ALDH1L2: variants seen among roughly 807,000 people sequenced by gnomAD.
ALDH1L2 encodes aldehyde dehydrogenase 1 family member L2.
ALDH1L2 carries 91 observed loss-of-function variants against 111.0 expected under a neutral mutation model. That is an observed-to-expected ratio of 0.82 (90% confidence interval 0.69 to 0.98). The LOEUF (loss-of-function observed/expected upper bound fraction) is 0.98, where lower values mean the gene tolerates loss of function less well. ALDH1L2 is among the 50% of genes least tolerant of loss of function. ALDH1L2 has a pLI of 0.00. For synonymous variants in ALDH1L2, 374 were observed against 392.6 expected, an observed-to-expected ratio of 0.95 and a Z score of 0.56; for missense variants, 995 against 1,126.8, an observed-to-expected ratio of 0.88 and a Z score of 1.67.
intron 14 of ALDH1L2, 34 bp from the exon 15 acceptor site, chr12:105,046,849 T>C (rs1452716379): frequency 6.2e-7 from 1 of 1,612,538 alleles, no homozygotes; most frequent in Non-Finnish European, 8.5e-7. Flanking sequence ...GCTTAGTTGT[T>C]TCAAATAACA....
intron 15 of ALDH1L2, among the ~76,000 whole-genome samples, chr12:105,042,750 G>GT (rs1346525214): frequency 6.6e-6 from 1 of 151,978 alleles, no homozygotes; most frequent in African/African-American, 2.4e-5. Context: ...TATCTTTCCT[G>GT]TTTCCTTTTA....
Position 105,022,786 on chromosome 12 carries a change from T to A in ALDH1L2, c.*1638A>T, listed in dbSNP as rs1279554891. 1 of 152,216 alleles carries A rather than the reference T, an allele frequency of 6.6e-6. No homozygotes were observed. The highest frequency in any genetic ancestry group is 2.4e-5 in the African/African-American group (1 of 41,462). The allele number at this position is 152,216 out of a possible 1,614,324, so 9.4% of individuals were successfully genotyped here. Reference sequence around the variant, plus strand: ...CCTATTCTTCCTTTTGAAAATGTTCTCTGACTCTGATTTTGTTGTTTAGTT... The same window carrying A: ...CCTATTCTTCCTTTTGAAAATGTTCACTGACTCTGATTTTGTTGTTTAGTT... On this transcript the variant is annotated 3_prime_UTR_variant, in exon 23 of 23. Coordinates refer to ENST00000258494, the MANE Select transcript of ALDH1L2 (RefSeq NM_001034173.4).
intron 1 of ALDH1L2, among the ~76,000 whole-genome samples, chr12:105,081,037 T>C (rs1037209869): frequency 9.8e-5 from 15 of 152,360 alleles, no homozygotes; most frequent in African/African-American, 3.6e-4. Flanking sequence ...ACATAGCATC[T>C]ACTTTGTATT....
In ALDH1L2 at chr12:105,049,996, C is replaced by G; in HGVS notation, c.1598G>C (p.Gly533Ala). The change falls in exon 13 of 23, where the codon GGG (glycine) becomes GCG (alanine). Residue 533 changes from glycine to alanine, a missense_variant. By Grantham distance (60) the Gly-to-Ala change is moderately conservative. Transcript: ENST00000258494. ...ELATIEALDSGAVYTLALKTH... is the reference protein window; with the variant it reads ...ELATIEALDSAAVYTLALKTH... The stretch of plus-strand genomic sequence containing the variant: ...CTTCAGGGCCAAGGTATAGACAGCC[C>G]CTGAATCAAGGGCTTCAATAGTTGC... 1 of 1,611,416 alleles carries G rather than the reference C, an allele frequency of 6.2e-7. No homozygotes were observed. Among genetic ancestry groups the G allele is most frequent in the Non-Finnish European group, 8.5e-7 (1 of 1,178,448 alleles).
At chr12:105,073,064 G>C (rs1197751798) in intron 2 of ALDH1L2, among the ~76,000 whole-genome samples, 3 of 152,198 alleles carry the variant, frequency 2.0e-5, no homozygotes, top group Admixed American at 6.5e-5. Context: ...AGCTATCTTT[G>C]ACTGTCCTCA....
intron 8 of ALDH1L2, 102 bp from the exon 9 acceptor site, chr12:105,061,174 A>T: frequency 3.2e-6 from 3 of 950,240 alleles, no homozygotes. Flanking sequence ...CATCTTGTAC[A>T]CTCAGCTGTA....
chr12:105,045,406 A>G (rs552154352), intron 15 of ALDH1L2, among the ~76,000 whole-genome samples: 8 of 152,200 alleles, frequency 5.3e-5, no homozygotes, highest in Admixed American at 2.0e-4. Flanking sequence ...CTTTATGCCC[A>G]TTAATTAGCA....
intron 1 of ALDH1L2, among the ~76,000 whole-genome samples, chr12:105,075,143 G>A (rs970245605): frequency 1.3e-5 from 2 of 152,212 alleles, no homozygotes; most frequent in African/African-American, 4.8e-5. Context: ...ACCAATGCCA[G>A]ATATTCAAGA....
At chr12:105,075,322 C>T (rs895775718) in intron 1 of ALDH1L2, among the ~76,000 whole-genome samples, 6 of 152,206 alleles carry the variant, frequency 3.9e-5, no homozygotes, top group Admixed American at 1.3e-4. Flanking sequence ...CGGTGGCTCA[C>T]GCCTGTAATC....
chr12:105,057,190 A>G (rs1184177913), intron 10 of ALDH1L2, among the ~76,000 whole-genome samples: 1 of 152,124 alleles, frequency 6.6e-6, no homozygotes, highest in East Asian at 1.9e-4. Flanking sequence ...ATTAGGGAAT[A>G]CAAATGAAAA....
At chr12:105,065,813 G>A (rs1164556497) in intron 5 of ALDH1L2, among the ~76,000 whole-genome samples, 4 of 152,040 alleles carry the variant, frequency 2.6e-5, no homozygotes, top group African/African-American at 4.8e-5. Flanking sequence ...TTATTAGTTG[G>A]TGTGTATGTG....
intron 13 of ALDH1L2, chr12:105,049,613 G>A (rs1030532151): frequency 3.5e-5 from 7 of 201,430 alleles, no homozygotes; most frequent in Non-Finnish European, 5.0e-5. Context: ...AGGACACACC[G>A]TTCCTCTGCT....
intron 21 of ALDH1L2, among the ~76,000 whole-genome samples, chr12:105,027,805 G>T (rs114347269): frequency 6.6e-6 from 1 of 152,256 alleles, no homozygotes; most frequent in African/African-American, 2.4e-5. Flanking sequence ...GAAGATAAAA[G>T]TTCCCCGAGG....
intron 19 of ALDH1L2, among the ~76,000 whole-genome samples, chr12:105,033,251 A>G (rs1287607398): frequency 3.9e-5 from 6 of 152,234 alleles, no homozygotes; most frequent in Non-Finnish European, 8.8e-5. Flanking sequence ...ATGAATGAAT[A>G]TGAACAGCAT....
chr12:105,048,617 C>G (rs1318378585), intron 13 of ALDH1L2: 1 of 152,126 alleles, frequency 6.6e-6, no homozygotes, highest in Non-Finnish European at 1.5e-5. Context: ...CTTTTGTATC[C>G]CCAGTGCTGG....
Position 105,066,594 on chromosome 12 carries a change from C to T in ALDH1L2, c.670G>A (p.Gly224Ser). ...TCAGCATTTTCCTTTTTCTGGATAC[C>T]TTCATATGTTGCCCCTTCTTCTGGC... ...PQPEEGATYE[G>S]IQKKENAEIS... Residue 224 changes from glycine to serine, a missense_variant, in exon 5 of 23, where the codon GGT (glycine) becomes AGT (serine). By Grantham distance (56) the Gly-to-Ser change is moderately conservative. Coordinates refer to ENST00000258494, the MANE Select transcript of ALDH1L2 (RefSeq NM_001034173.4). 3.1e-6 allele frequency: 5 copies of T among 1,614,108 alleles called. No homozygotes were observed. Among genetic ancestry groups the T allele is most frequent in the Non-Finnish European group, 4.2e-6 (5 of 1,179,998 alleles).
chr12:105,058,093 C>T lies in ALDH1L2; in HGVS notation c.1267G>A (p.Val423Met), dbSNP rs937832360. ...VRKLRGEDQE[V>M]ELVVDYISKE... Reference sequence around the variant, plus strand: ...CTTACATAATCTACAACCAGCTCCACCTCTTGATCTTCTCCTCTCAGTTTC... The same window carrying T: ...CTTACATAATCTACAACCAGCTCCATCTCTTGATCTTCTCCTCTCAGTTTC... The change falls in exon 10 of 23, where the codon GTG becomes ATG. Residue 423 changes from valine to methionine, a missense_variant. Coordinates refer to ENST00000258494, the MANE Select transcript of ALDH1L2 (RefSeq NM_001034173.4). The T allele has an allele frequency of 1.2e-6, 2 of 1,612,980 alleles. No homozygotes were observed. The highest frequency in any genetic ancestry group is 1.7e-6 in the Non-Finnish European group (2 of 1,179,656).
intron 22 of ALDH1L2, 23 bp downstream of exon 22, chr12:105,026,522 G>A: frequency 1.2e-6 from 2 of 1,613,214 alleles, no homozygotes; most frequent in East Asian, 2.2e-5. Flanking sequence ...AAGGGAAGGT[G>A]AAGCAGAAAA....
At chr12:105,035,317 T>G (rs1459128161) in intron 18 of ALDH1L2, among the ~76,000 whole-genome samples, 1 of 152,100 alleles carries the variant, frequency 6.6e-6, no homozygotes, top group East Asian at 1.9e-4. Flanking sequence ...TTTAAAATTT[T>G]TTATTTGTAT....
Sources: allele counts gnomAD v4.1 joint callset (sites outside exome capture counted in the v4.1 genomes callset), GRCh38; gene constraint gnomAD v4.1.1; transcripts MANE v1.5; gene names NCBI Gene and HGNC (gene_info 2026-07-23, HGNC 2026-07-21).